The following CCNJ variants were observed in gnomAD, a reference collection of about 807,000 sequenced individuals.
CCNJ encodes cyclin J, also known as cyclin-J.
Under a neutral mutation model 41.4 loss-of-function variants are expected in CCNJ, and 12 were observed. The ratio of observed to expected loss-of-function variants is 0.29; its 90% CI spans 0.19 to 0.47. The LOEUF (loss-of-function observed/expected upper bound fraction) is 0.47, where lower values mean the gene tolerates loss of function less well. Ranked by LOEUF, CCNJ falls within the 20% of genes least tolerant of loss-of-function variation. The pLI is 1.00. For missense variants in CCNJ, 340 were observed against 464.6 expected (o/e 0.73, Z 2.47); for synonymous variants, 161 against 173.4 (o/e 0.93, Z 0.56).
rs1590981339 is a variant in CCNJ, at chr10:96,043,592, C to G, written c.-169C>G. On this transcript the variant is annotated 5_prime_UTR_variant, in exon 1 of 6. Transcript: ENST00000465148. The stretch of plus-strand genomic sequence containing the variant: ...CGCCTGCCGGTCCTTTAACAATGGG[C>G]GGCGCGAGCGTCCAGGCGCTGGGCT... The G allele has an allele frequency of 2.5e-6, 1 of 395,040 alleles. No individual in the cohort carries two copies. The highest frequency in any genetic ancestry group is 4.4e-5 in the Admixed American group (1 of 22,584). 24.5% of individuals were successfully genotyped at this position (395,040 alleles called of 1,614,324 possible).
chr10:96,052,324 A>G (rs1159419082), intron 3 of CCNJ, among the ~76,000 whole-genome samples: 1 of 152,218 alleles, frequency 6.6e-6, no homozygotes, highest in Non-Finnish European at 1.5e-5. Context: ...TTGTTATTGT[A>G]CAGAATGTTT....
chr10:96,054,580 A>G (rs1269924212), intron 3 of CCNJ, among the ~76,000 whole-genome samples: 3 of 152,206 alleles, frequency 2.0e-5, no homozygotes, highest in Non-Finnish European at 4.4e-5. Flanking sequence ...TAAACATCCC[A>G]TAGATGCTTA....
rs929879522 is a variant in CCNJ at position 96,058,408 on chromosome 10, G to C, written c.*167G>C. 12 of 578,214 alleles carry C rather than the reference G, an allele frequency of 2.1e-5. No individual in the cohort carries two copies. In the African/African-American group the frequency reaches 2.2e-4, roughly 11 times the overall value. 35.8% of individuals were successfully genotyped at this position (578,214 alleles called of 1,614,324 possible). On this transcript the variant is annotated 3_prime_UTR_variant, in exon 6 of 6. Transcript: ENST00000465148. Reference sequence around the variant, plus strand: ...TCCTTTTTAATGCACCATGAATCCTGGGAGACTAAGCAAATTAACAGTATG... The same window carrying C: ...TCCTTTTTAATGCACCATGAATCCTCGGAGACTAAGCAAATTAACAGTATG...
Position 96,058,397 on chromosome 10 carries a change from C to T in CCNJ, c.*156C>T, listed in dbSNP as rs1564709214. ...AAGACTGAATATCCTTTTTAATGCA[C>T]CATGAATCCTGGGAGACTAAGCAAA... On this transcript the variant is annotated 3_prime_UTR_variant, in exon 6 of 6. Transcript: ENST00000465148. 1.7e-6 allele frequency: 1 copy of T among 604,690 alleles called. No homozygotes were observed. The highest frequency in any genetic ancestry group is 2.9e-6 in the Non-Finnish European group (1 of 345,058). The allele number at this position is 604,690 out of a possible 1,614,324, so 37.5% of individuals were successfully genotyped here. A position where few individuals can be genotyped will look rare whatever the true frequency, so the allele number is the denominator to read the frequency against.
chr10:96,044,312 G>T, intron 1 of CCNJ, 41 bp from the exon 2 acceptor site: 1 of 1,168,238 alleles, frequency 8.6e-7, no homozygotes, highest in Non-Finnish European at 1.1e-6. Flanking sequence ...AGAGGGTCGC[G>T]GGGGAGCCGG....
At chr10:96,044,903 G>C (rs544742675) in intron 2 of CCNJ, among the ~76,000 whole-genome samples, 1 of 152,316 alleles carries the variant, frequency 6.6e-6, no homozygotes, top group African/African-American at 2.4e-5. Context: ...TCTGTTTCTT[G>C]ATTTCCTCAT....
intron 3 of CCNJ, among the ~76,000 whole-genome samples, chr10:96,055,734 TC>T (rs2080666178): frequency 1.3e-5 from 2 of 152,216 alleles, no homozygotes; most frequent in Admixed American, 1.3e-4. Context: ...CATCATATTG[TC>T]TTTACTCCTA....
At position 96,044,475 on chromosome 10, in the gene CCNJ, C is replaced by A; in HGVS notation, c.69+13C>A. On this transcript the variant is annotated intron_variant, in intron 2 of 5. Coordinates refer to ENST00000465148, the MANE Select transcript of CCNJ (RefSeq NM_001134375.2). ...GCTTCGCTACAAGGTAACTCCGAGG[C>A]CCGGCCTGCCTTCTCCTTCTGTGTG... is the stretch of plus-strand genomic sequence containing the variant. 1.3e-6 allele frequency: 2 copies of A among 1,514,590 alleles called. No individual in the cohort carries two copies. The highest frequency in any genetic ancestry group is 1.3e-5 in the South Asian group (1 of 78,930). The allele number at this position is 1,514,590 out of a possible 1,614,324, so 93.8% of individuals were successfully genotyped here.
At chr10:96,045,098 C>T (rs2080326240) in intron 2 of CCNJ, among the ~76,000 whole-genome samples, 1 of 152,178 alleles carries the variant, frequency 6.6e-6, no homozygotes, top group African/African-American at 2.4e-5. Flanking sequence ...TTGGCTGCCC[C>T]TTCCTGCTGA....
chr10:96,049,110 T>A (rs961720932), intron 2 of CCNJ, among the ~76,000 whole-genome samples: 5 of 152,230 alleles, frequency 3.3e-5, no homozygotes, highest in African/African-American at 9.6e-5. Flanking sequence ...TTGTTTTGTT[T>A]TGTTTTTTGA....
rs1240579716 is a variant in CCNJ, at chr10:96,058,060, C to G, written c.971C>G (p.Thr324Arg). 9 of 1,614,092 alleles carry G rather than the reference C, an allele frequency of 5.6e-6. No individual in the cohort carries two copies. The Admixed American group carries it at 1.5e-4, about 27-fold the overall frequency. ...IVSTTHTSSY[T>R]LQTCPAGFQT... The stretch of plus-strand genomic sequence containing the variant: ...TCGACCACACACACCTCATCTTACA[C>G]ACTACAGACATGTCCTGCTGGCTTC... Residue 324 changes from threonine (T) to arginine (R), a missense_variant, in exon 6 of 6, where the codon ACA becomes AGA. By Grantham distance (71) the Thr-to-Arg change is moderately conservative. This residue lies in a region of CCNJ where 159 missense variants were observed against 168.2 expected (regional missense o/e 0.95). Transcript: ENST00000465148.
chr10:96,046,086 G>GT (rs1413507537), intron 2 of CCNJ, among the ~76,000 whole-genome samples: 3 of 151,708 alleles, frequency 2.0e-5, no homozygotes, highest in African/African-American at 7.3e-5. Context: ...TTGTTTTTTT[G>GT]TTTTTTCTCC....
chr10:96,058,493 C>G lies in CCNJ; in HGVS notation c.*252C>G. 1 of 500,402 alleles carries G rather than the reference C, an allele frequency of 2.0e-6. No homozygotes were observed. The highest frequency in any genetic ancestry group is 3.5e-6 in the Non-Finnish European group (1 of 283,810). The allele number at this position is 500,402 out of a possible 1,614,324, so 31.0% of individuals were successfully genotyped here. A position where few individuals can be genotyped will look rare whatever the true frequency, so the allele number is the denominator to read the frequency against. On this transcript the variant is annotated 3_prime_UTR_variant, in exon 6 of 6. Coordinates refer to ENST00000465148, the MANE Select transcript of CCNJ (RefSeq NM_001134375.2). ...AAATGTTCAAGTCCTGGCTGATGGTCCAAATATTTCAAAAATATTCAGTAC... is the reference window on the plus strand; with the variant it reads ...AAATGTTCAAGTCCTGGCTGATGGTGCAAATATTTCAAAAATATTCAGTAC...
At chr10:96,051,054 T>C (rs928622126) in intron 3 of CCNJ, among the ~76,000 whole-genome samples, 1 of 152,244 alleles carries the variant, frequency 6.6e-6, no homozygotes, top group Non-Finnish European at 1.5e-5. Flanking sequence ...CATATTCTTA[T>C]ATTAGAATAC....
chr10:96,044,803 G>C (rs1180378912), intron 2 of CCNJ, among the ~76,000 whole-genome samples: 1 of 152,206 alleles, frequency 6.6e-6, no homozygotes, highest in Non-Finnish European at 1.5e-5. Context: ...TTCGAGAGTT[G>C]CCGTTGCATG....
intron 2 of CCNJ, among the ~76,000 whole-genome samples, chr10:96,045,387 G>C (rs2080335339): frequency 2.0e-5 from 3 of 152,212 alleles, no homozygotes; most frequent in African/African-American, 7.2e-5. Context: ...AAAGGATTCT[G>C]ACTCTTGGGG....
chr10:96,047,697 T>C (rs748089482), intron 2 of CCNJ, among the ~76,000 whole-genome samples: 1 of 152,224 alleles, frequency 6.6e-6, no homozygotes, highest in Non-Finnish European at 1.5e-5. Flanking sequence ...ATTTTATCCA[T>C]TTATCTTAGG....
chr10:96,048,588 T>C (rs1699411290), intron 2 of CCNJ, among the ~76,000 whole-genome samples: 1 of 152,214 alleles, frequency 6.6e-6, no homozygotes, highest in Admixed American at 6.5e-5. Flanking sequence ...ATTGAACGAT[T>C]ACTCCCCAAT....
chr10:96,050,313 T>G lies in CCNJ; in HGVS notation c.127T>G (p.Phe43Val). The G allele has an allele frequency of 1.2e-6, 2 of 1,614,114 alleles. No homozygotes were observed. The highest frequency in any genetic ancestry group is 1.7e-6 in the Non-Finnish European group (2 of 1,180,002). Residue 43 changes from phenylalanine (F) to valine (V), a missense_variant, in exon 3 of 6, where the codon TTT (phenylalanine) becomes GTT (valine). Transcript: ENST00000465148. ...QSPQLSLRRY[F>V]ADLIAIVSNR... Reference sequence around the variant, plus strand: ...CCCTCAGTTAAGTCTCAGACGGTATTTTGCTGACTTGATTGCCATTGTGAG... The same window carrying G: ...CCCTCAGTTAAGTCTCAGACGGTATGTTGCTGACTTGATTGCCATTGTGAG...
Sources: allele counts gnomAD v4.1 joint callset (sites outside exome capture counted in the v4.1 genomes callset), GRCh38; gene constraint gnomAD v4.1.1; regional missense constraint gnomAD v4.1.1; transcripts MANE v1.5; gene names NCBI Gene and HGNC (gene_info 2026-07-23, HGNC 2026-07-21).